PACRG: variants seen among roughly 807,000 people sequenced by gnomAD.
PACRG encodes parkin coregulated, also known as parkin coregulated gene protein.
A neutral mutation model predicts 29.7 loss-of-function variants in PACRG; 29 were observed. The observed-to-expected ratio is 0.98, with a 90% CI of 0.73 to 1.33. The LOEUF (loss-of-function observed/expected upper bound fraction) is 1.33, where lower values mean the gene tolerates loss of function less well. Among genes scored for constraint, PACRG ranks in the 40% most tolerant of loss-of-function variants. The probability of loss-of-function intolerance (pLI) is 0.00; values close to 1 mark genes in which losing one functional copy is unlikely to be tolerated. For synonymous variants in PACRG, 116 were observed against 118.7 expected (o/e 0.98, Z 0.15); for missense variants, 279 against 316.2 (o/e 0.88, Z 0.89).
At position 163,192,893 on chromosome 6, in the gene PACRG, G is replaced by A. The variant is rs529412264; in HGVS notation, c.613+103485G>A. ...CATCACTCGATTTCCTGCTTAAAAA[G>A]ATCTGACACACTTCTTCACTCCTTG... On this transcript the variant is annotated intron_variant, in intron 4 of 4. Coordinates refer to ENST00000366888, the MANE Select transcript of PACRG (RefSeq NM_001080379.2). Among the ~76,000 whole-genome samples, 49 of 152,254 alleles carry A rather than the reference G, an allele frequency of 3.2e-4. No individual in the cohort carries two copies. The South Asian group carries it at 0.01, about 32-fold the overall frequency.
At chr6:162,856,142 G>C (rs1156902921) in intron 2 of PACRG, among the ~76,000 whole-genome samples, 2 of 151,952 alleles carry the variant, frequency 1.3e-5, no homozygotes, top group Non-Finnish European at 2.9e-5. Flanking sequence ...ATGCGGCCTC[G>C]AACTTCTAGG....
At chr6:163,035,812 C>CAAAAAAAAAAAAA (rs1156795173) in intron 2 of PACRG, among the ~76,000 whole-genome samples, 1 of 64,234 alleles carries the variant, frequency 1.6e-5, no homozygotes, top group Non-Finnish European at 3.0e-5. Context: ...GACTCTGTCT[C>CAAAAAAAAAAAAA]AAAAAAAAAA....
intron 4 of PACRG, chr6:163,165,342 G>A (rs559483253): frequency 6.6e-6 from 1 of 152,636 alleles, no homozygotes; most frequent in South Asian, 2.1e-4. Flanking sequence ...GGGGCTGGTA[G>A]GGGGCGCTGA....
chr6:162,957,340 G>A, intron 2 of PACRG: 1 of 608,650 alleles, frequency 1.6e-6, no homozygotes, highest in South Asian at 1.9e-5. Context: ...AGCACTCATG[G>A]AACCACCACA....
chr6:163,014,735 G>T (rs138949518), intron 2 of PACRG, among the ~76,000 whole-genome samples: 10 of 151,896 alleles, frequency 6.6e-5, no homozygotes, highest in Non-Finnish European at 1.3e-4. Context: ...TTCGTTATAG[G>T]TTCTAAATAG....
At chr6:163,013,915 A>G (rs571846870) in intron 2 of PACRG, among the ~76,000 whole-genome samples, 93 of 152,068 alleles carry the variant, frequency 6.1e-4, no homozygotes, top group South Asian at 1.0e-3. Flanking sequence ...ATTTGAAAAT[A>G]ACATGATAGA....
At chr6:163,283,644 C>A (rs1353019831) in intron 4 of PACRG, among the ~76,000 whole-genome samples, 1 of 149,060 alleles carries the variant, frequency 6.7e-6, no homozygotes, top group African/African-American at 2.5e-5. Flanking sequence ...ACTAAAAATA[C>A]AAAAAAATTA....
At position 163,288,732 on chromosome 6, in the gene PACRG, C is replaced by T. The variant is rs117341842; in HGVS notation, c.614-26095C>T. Among the ~76,000 whole-genome samples the T allele has an allele frequency of 4.1e-3, 621 of 149,702 alleles. 5 individuals carry two copies. The highest frequency in any genetic ancestry group is 7.3e-3 in the Non-Finnish European group (483 of 66,392). On this transcript the variant is annotated intron_variant, in intron 4 of 4. Coordinates refer to ENST00000366888, the MANE Select transcript of PACRG (RefSeq NM_001080379.2). ...CCAAATACTCGTCTATACCACTCAA[C>T]ACTTTTGAATGGCTTTCCCAATTAC...
chr6:162,930,040 G>T lies in PACRG; in HGVS notation c.291+115759G>T, dbSNP rs143393237. ...GTCTCCAGCTTTGTTTTGTTTTGGG[G>T]TATTTTCTCTGCTCAAGATTTCTTT... On this transcript the variant is annotated intron_variant, in intron 2 of 4. Coordinates refer to ENST00000366888, the MANE Select transcript of PACRG (RefSeq NM_001080379.2). Among the ~76,000 whole-genome samples, 88 of 150,860 alleles carry T rather than the reference G, an allele frequency of 5.8e-4. 1 individual carries two copies. Among genetic ancestry groups the T allele is most frequent in the Admixed American group, 4.0e-3 (61 of 15,134 alleles).
At chr6:162,850,667 G>A (rs552358369) in intron 2 of PACRG, among the ~76,000 whole-genome samples, 5 of 152,054 alleles carry the variant, frequency 3.3e-5, no homozygotes, top group South Asian at 4.2e-4. Flanking sequence ...TGGAGAGGGC[G>A]GGGAAGCTCC....
intron 4 of PACRG, among the ~76,000 whole-genome samples, chr6:163,207,499 C>T (rs1780955609): frequency 6.6e-6 from 1 of 152,200 alleles, no homozygotes; most frequent in Non-Finnish European, 1.5e-5. Context: ...ACACATCAGA[C>T]ATTTCCATGA....
intron 1 of PACRG, among the ~76,000 whole-genome samples, chr6:162,733,515 T>A (rs1310595331): frequency 6.6e-6 from 1 of 152,184 alleles, no homozygotes; most frequent in Non-Finnish European, 1.5e-5. Flanking sequence ...CCTCTCTAAT[T>A]GTGGAGCCCA....
chr6:162,969,602 G>A (rs563235643), intron 2 of PACRG, among the ~76,000 whole-genome samples: 1 of 151,990 alleles, frequency 6.6e-6, no homozygotes, highest in African/African-American at 2.4e-5. Flanking sequence ...TCTCTTCCTG[G>A]CCCCTGTCTG....
intron 2 of PACRG, among the ~76,000 whole-genome samples, chr6:163,006,476 A>G (rs1002414031): frequency 6.6e-6 from 1 of 151,320 alleles, no homozygotes; most frequent in Non-Finnish European, 1.5e-5. Context: ...ATAATGTCCA[A>G]TTTTTCTATA....
chr6:163,135,816 A>C (rs554503666), intron 4 of PACRG, among the ~76,000 whole-genome samples: 2 of 152,336 alleles, frequency 1.3e-5, no homozygotes, highest in Non-Finnish European at 2.9e-5. Flanking sequence ...AATGCCCAAC[A>C]TCTGAATCCT....
At chr6:162,948,309 A>C (rs1799398828) in intron 2 of PACRG, among the ~76,000 whole-genome samples, 2 of 152,176 alleles carry the variant, frequency 1.3e-5, no homozygotes, top group South Asian at 4.1e-4. Context: ...CACACTCCTC[A>C]TCAAATTGTG....
intron 2 of PACRG, among the ~76,000 whole-genome samples, chr6:163,054,654 A>G (rs1317486933): frequency 6.6e-6 from 1 of 152,128 alleles, no homozygotes; most frequent in Non-Finnish European, 1.5e-5. Flanking sequence ...TTGTTGGGTG[A>G]AAAAGGAAGA....
At position 162,826,047 on chromosome 6, in the gene PACRG, G is replaced by A. The variant is rs76642044; in HGVS notation, c.291+11766G>A. Among the ~76,000 whole-genome samples, 527 of 151,492 alleles carry A rather than the reference G, an allele frequency of 3.5e-3. 4 individuals carry two copies. The highest frequency in any genetic ancestry group is 0.012 in the African/African-American group (505 of 41,260). ...TTTTCTCAATTAACTGAATATCTTC[G>A]CTTACATGCAGATTAAAGTACCATC... On this transcript the variant is annotated intron_variant, in intron 2 of 4. Transcript: ENST00000366888.
intron 4 of PACRG, among the ~76,000 whole-genome samples, chr6:163,249,226 T>G (rs1782812191): frequency 6.6e-6 from 1 of 152,024 alleles, no homozygotes; most frequent in Admixed American, 6.6e-5. Flanking sequence ...GCCTGTAGAG[T>G]GGAGGTTGCC....
Sources: gnomAD v4.1 joint callset for allele counts (sites outside exome capture counted in the v4.1 genomes callset) on GRCh38, gnomAD v4.1.1 for gene constraint, MANE v1.5 for transcripts, NCBI Gene and HGNC (gene_info 2026-07-23, HGNC 2026-07-21) for gene names.